GLO1: variants seen among roughly 807,000 people sequenced by gnomAD.
GLO1 encodes the protein glyoxalase I.
In GLO1, 28 loss-of-function variants were observed where a neutral mutation model predicts 26.0. The ratio of observed to expected loss-of-function variants is 1.08; its 90% CI spans 0.80 to 1.48. GLO1 has a LOEUF of 1.48. Among genes scored for constraint, GLO1 ranks in the 40% most tolerant of loss-of-function variants. The pLI, the probability that GLO1 is intolerant of heterozygous loss-of-function variation, is 0.00. For synonymous variants in GLO1, 78 were observed against 77.6 expected (o/e 1.00, Z -0.03); for missense variants, 225 against 224.8 (o/e 1.00, Z -0.01).
At chr6:38,678,401 A>AAG (rs1761308143) in intron 5 of GLO1, among the ~76,000 whole-genome samples, 3 of 130,932 alleles carry the variant, frequency 2.3e-5, no homozygotes, top group South Asian at 5.2e-4. Flanking sequence ...GAAGGAAGGA[A>AAG]AAGAAAAGGA....
At chr6:38,681,459 T>A (rs1761378912) in intron 5 of GLO1, among the ~76,000 whole-genome samples, 1 of 152,214 alleles carries the variant, frequency 6.6e-6, no homozygotes, top group African/African-American at 2.4e-5. Flanking sequence ...ATTTAATATT[T>A]CAATTTTAAT....
intron 1 of GLO1, among the ~76,000 whole-genome samples, chr6:38,695,711 G>T (rs761956474): frequency 6.6e-6 from 1 of 152,160 alleles, no homozygotes; most frequent in African/African-American, 2.4e-5. Context: ...TTGCTGGCAT[G>T]GGTGGGACTG....
chr6:38,696,646 T>C (rs1761614747), intron 1 of GLO1, among the ~76,000 whole-genome samples: 1 of 152,154 alleles, frequency 6.6e-6, no homozygotes, highest in Non-Finnish European at 1.5e-5. Context: ...CCCCACCTCC[T>C]AATACCTGCC....
chr6:38,701,558 C>T (rs1367423525), intron 1 of GLO1, among the ~76,000 whole-genome samples: 2 of 152,194 alleles, frequency 1.3e-5, no homozygotes, highest in Non-Finnish European at 2.9e-5. Flanking sequence ...ATACTTTACA[C>T]TGAGTGACTC....
intron 1 of GLO1, among the ~76,000 whole-genome samples, chr6:38,690,444 G>T (rs746365526): frequency 6.6e-6 from 1 of 152,098 alleles, no homozygotes; most frequent in Non-Finnish European, 1.5e-5. Context: ...AAAATGCTGC[G>T]TCGAGGTATA....
intron 3 of GLO1, among the ~76,000 whole-genome samples, chr6:38,683,602 T>G (rs1214915335): frequency 6.6e-6 from 1 of 152,138 alleles, no homozygotes; most frequent in Non-Finnish European, 1.5e-5. Context: ...AAAAGACAAA[T>G]GGAGGCCGGG....
chr6:38,688,486 A>T (rs971540167), intron 1 of GLO1, among the ~76,000 whole-genome samples: 8 of 152,244 alleles, frequency 5.3e-5, no homozygotes, highest in Admixed American at 1.3e-4. Context: ...ATACATTAAA[A>T]CAAGGCACTA....
intron 3 of GLO1, chr6:38,683,166 CAG>C: frequency 3.5e-6 from 1 of 285,960 alleles, no homozygotes. Context: ...ACCCTTAAAA[CAG>C]CTCCATGGGC....
At chr6:38,681,344 G>T (rs1361477432) in intron 5 of GLO1, among the ~76,000 whole-genome samples, 1 of 152,178 alleles carries the variant, frequency 6.6e-6, no homozygotes, top group East Asian at 1.9e-4. Flanking sequence ...TGACAGGTGT[G>T]AGCCACCACG....
intron 1 of GLO1, among the ~76,000 whole-genome samples, chr6:38,688,574 T>G (rs1761488225): frequency 6.6e-6 from 1 of 152,170 alleles, no homozygotes; most frequent in Non-Finnish European, 1.5e-5. Context: ...GATTACAATG[T>G]TTGCTTGAGG....
chr6:38,693,689 A>C (rs201655949), intron 1 of GLO1, among the ~76,000 whole-genome samples: 976 of 78,674 alleles, frequency 0.012, 12 homozygotes, highest in East Asian at 0.086. Flanking sequence ...CTCTCTCTAT[A>C]TATATATATA....
intron 1 of GLO1, among the ~76,000 whole-genome samples, chr6:38,690,522 A>T (rs537115891): frequency 6.6e-6 from 1 of 152,006 alleles, no homozygotes. Flanking sequence ...ATAAAATGGT[A>T]TATTAGCTTT....
At chr6:38,701,077 C>A (rs936552915) in intron 1 of GLO1, among the ~76,000 whole-genome samples, 2 of 151,946 alleles carry the variant, frequency 1.3e-5, no homozygotes, top group East Asian at 3.9e-4. Flanking sequence ...CTGCACCCAG[C>A]CTTCATTGAG....
chr6:38,701,526 A>G (rs559758714), intron 1 of GLO1, among the ~76,000 whole-genome samples: 9 of 152,290 alleles, frequency 5.9e-5, no homozygotes, highest in East Asian at 1.9e-4. Context: ...CCATTACATA[A>G]AACCCCTAGT....
At chr6:38,697,134 C>T (rs1394565358) in intron 1 of GLO1, among the ~76,000 whole-genome samples, 2 of 152,048 alleles carry the variant, frequency 1.3e-5, no homozygotes, top group Non-Finnish European at 2.9e-5. Context: ...AGGCTGGTCT[C>T]GAACTCCTGA....
chr6:38,680,792 G>A (rs570181660), intron 5 of GLO1, among the ~76,000 whole-genome samples: 2 of 152,144 alleles, frequency 1.3e-5, no homozygotes, highest in Non-Finnish European at 2.9e-5. Context: ...TTAGGAGGAG[G>A]CTGAGGCAGA....
intron 1 of GLO1, among the ~76,000 whole-genome samples, chr6:38,693,014 T>A (rs532946516): frequency 6.6e-6 from 1 of 152,204 alleles, no homozygotes; most frequent in Admixed American, 6.5e-5. Context: ...TCATTTGTTT[T>A]TGGTATCAGG....
intron 1 of GLO1, among the ~76,000 whole-genome samples, chr6:38,702,310 T>C (rs1449353730): frequency 6.6e-6 from 1 of 152,186 alleles, no homozygotes; most frequent in African/African-American, 2.4e-5. Flanking sequence ...ACATGTTCGG[T>C]AAGTGAAAGC....
At chr6:38,687,217 G>A (rs2127547009) in intron 1 of GLO1, 1 of 400,854 alleles carries the variant, frequency 2.5e-6, no homozygotes, top group Admixed American at 6.4e-5. Flanking sequence ...TGGCATCCCT[G>A]TCCCTTGGTG....
Sources: gnomAD v4.1 joint callset for allele counts (sites outside exome capture counted in the v4.1 genomes callset) on GRCh38, gnomAD v4.1.1 for gene constraint, MANE v1.5 for transcripts, NCBI Gene and HGNC (gene_info 2026-07-23, HGNC 2026-07-21) for gene names.